Variants in FAR2 observed in about 807,000 individuals in gnomAD.
FAR2 encodes fatty acyl-CoA reductase 2.
Under a neutral mutation model 56.0 loss-of-function variants are expected in FAR2, and 19 were observed. The observed-to-expected ratio is 0.34, with a 90% confidence interval of 0.24 to 0.50. FAR2 has a LOEUF of 0.50. FAR2 is among the 20% of genes least tolerant of loss of function. FAR2 has a pLI of 0.98. For missense variants in FAR2, 508 were observed against 642.2 expected (o/e 0.79, Z 2.26); for synonymous variants, 219 against 218.8 (o/e 1.00, Z -0.01).
chr12:29,259,046 G>T (rs1337393096), intron 1 of FAR2, among the ~76,000 whole-genome samples: 1 of 152,194 alleles, frequency 6.6e-6, no homozygotes, highest in Non-Finnish European at 1.5e-5. Flanking sequence ...GGTCATGTTT[G>T]TACTTAGCTT....
chr12:29,302,236 GAAAAAAAAA>G (rs57752714), intron 4 of FAR2, among the ~76,000 whole-genome samples: 2 of 93,098 alleles, frequency 2.1e-5, no homozygotes, highest in African/African-American at 4.1e-5. Context: ...CATCTCAAAG[GAAAAAAAAA>G]AAAAAAAAAA....
intron 1 of FAR2, among the ~76,000 whole-genome samples, chr12:29,173,380 A>G (rs1365208772): frequency 6.6e-6 from 1 of 152,134 alleles, no homozygotes; most frequent in Non-Finnish European, 1.5e-5. Context: ...AGGCTAGGAT[A>G]TGGGGATAAG....
intron 4 of FAR2, among the ~76,000 whole-genome samples, chr12:29,298,624 T>G (rs1949110244): frequency 6.6e-6 from 1 of 152,190 alleles, no homozygotes; most frequent in Non-Finnish European, 1.5e-5. Context: ...AGTGCAGAGT[T>G]CATCAGGATA....
chr12:29,292,548 A>T, intron 2 of FAR2, among the ~76,000 whole-genome samples: 1 of 152,196 alleles, frequency 6.6e-6, no homozygotes. Context: ...TAATATTAGA[A>T]AAACTGTTAA....
chr12:29,273,554 C>T, intron 2 of FAR2, among the ~76,000 whole-genome samples: 1 of 152,212 alleles, frequency 6.6e-6, no homozygotes, highest in Non-Finnish European at 1.5e-5. Flanking sequence ...AAATGGGTGC[C>T]ACCCTTCCCC....
At chr12:29,272,289 T>C (rs1360583981) in intron 2 of FAR2, among the ~76,000 whole-genome samples, 1 of 152,216 alleles carries the variant, frequency 6.6e-6, no homozygotes, top group Non-Finnish European at 1.5e-5. Context: ...AGGTTTGGTC[T>C]TTTTATGAAG....
chr12:29,178,215 A>T (rs886428777), intron 1 of FAR2, among the ~76,000 whole-genome samples: 1 of 152,184 alleles, frequency 6.6e-6, no homozygotes, highest in Admixed American at 6.5e-5. Context: ...AGTAAAATTC[A>T]TTCCCAGTAC....
At position 29,180,215 on chromosome 12, in the gene FAR2, C is replaced by T. The variant is rs184789595; in HGVS notation, c.-39+30808C>T. On this transcript the variant is annotated intron_variant, in intron 1 of 11. Coordinates refer to ENST00000536681, the MANE Select transcript of FAR2 (RefSeq NM_001271783.2). ...CGGTGGGTAAAATAATAAAAGAATG[C>T]TTATATGAAGCAAAAGATATTGCTT... is the stretch of plus-strand genomic sequence containing the variant. Among the ~76,000 whole-genome samples the T allele has an allele frequency of 2.7e-4, 41 of 152,208 alleles. 2 individuals carry two copies. The highest frequency in any genetic ancestry group is 1.0e-3 in the South Asian group (5 of 4,818).
intron 4 of FAR2, 126 bp from the exon 5 acceptor site, chr12:29,307,532 T>G (rs1243721914): frequency 8.7e-6 from 8 of 923,896 alleles, no homozygotes; most frequent in Non-Finnish European, 1.3e-5. Flanking sequence ...CTTGGTATCA[T>G]GTGACTGTTC....
At chr12:29,269,786 CTAAA>C (rs1948583288) in intron 1 of FAR2, among the ~76,000 whole-genome samples, 1 of 152,200 alleles carries the variant, frequency 6.6e-6, no homozygotes, top group African/African-American at 2.4e-5. Context: ...AGTATTTTCT[CTAAA>C]TAAATCTGAA....
At chr12:29,283,360 G>A (rs972037618) in intron 2 of FAR2, among the ~76,000 whole-genome samples, 11 of 152,086 alleles carry the variant, frequency 7.2e-5, no homozygotes, top group African/African-American at 1.9e-4. Flanking sequence ...CTTCTATGGT[G>A]AGGAAAAATT....
chr12:29,292,090 T>G (rs2136748460), intron 2 of FAR2: 1 of 152,340 alleles, frequency 6.6e-6, no homozygotes, highest in Admixed American at 6.5e-5. Flanking sequence ...AATGCAAATA[T>G]GGGATCTTGG....
At chr12:29,200,722 T>C (rs1432268346) in intron 1 of FAR2, among the ~76,000 whole-genome samples, 1 of 152,220 alleles carries the variant, frequency 6.6e-6, no homozygotes, top group Non-Finnish European at 1.5e-5. Flanking sequence ...TTTACCTAGC[T>C]AACTTGTTTA....
chr12:29,322,615 T>C (rs539679909), intron 10 of FAR2, among the ~76,000 whole-genome samples: 1 of 152,366 alleles, frequency 6.6e-6, no homozygotes, highest in Non-Finnish European at 1.5e-5. Context: ...TGAAATTCTT[T>C]TGTATATTAT....
chr12:29,222,776 A>T (rs1184823605), intron 1 of FAR2, among the ~76,000 whole-genome samples: 2 of 152,202 alleles, frequency 1.3e-5, no homozygotes, highest in African/African-American at 4.8e-5. Flanking sequence ...TTAATCTTTC[A>T]AATTTGAATT....
intron 1 of FAR2, among the ~76,000 whole-genome samples, chr12:29,177,169 C>A (rs1477602085): frequency 1.3e-5 from 2 of 152,192 alleles, no homozygotes; most frequent in Admixed American, 6.5e-5. Flanking sequence ...GGAGCCAAAT[C>A]TTTTAGAGAT....
intron 2 of FAR2, among the ~76,000 whole-genome samples, chr12:29,287,792 T>C (rs1948901495): frequency 6.6e-6 from 1 of 152,122 alleles, no homozygotes; most frequent in South Asian, 2.1e-4. Context: ...AGAGGGCAAA[T>C]CTCCTGTGGA....
At chr12:29,332,484 C>T in intron 10 of FAR2, 116 bp from the exon 11 acceptor site, 1 of 1,449,260 alleles carries the variant, frequency 6.9e-7, no homozygotes. Flanking sequence ...TGGAGAGGGT[C>T]CAACCTATGT....
intron 1 of FAR2, among the ~76,000 whole-genome samples, chr12:29,245,260 G>A (rs1948109157): frequency 1.3e-5 from 2 of 152,162 alleles, no homozygotes; most frequent in East Asian, 1.9e-4. Flanking sequence ...GATTACAGGC[G>A]TGAGCCACTG....
Sources: gnomAD v4.1 joint callset for allele counts (sites outside exome capture counted in the v4.1 genomes callset) on GRCh38, gnomAD v4.1.1 for gene constraint, MANE v1.5 for transcripts, NCBI Gene and HGNC (gene_info 2026-07-23, HGNC 2026-07-21) for gene names.